The following SLC8A1 variants were observed in gnomAD, a reference collection of about 807,000 sequenced individuals.
The protein encoded by SLC8A1 is solute carrier family 8 member A1, also known as sodium/calcium exchanger 1.
In SLC8A1, 18 loss-of-function variants were observed where a neutral mutation model predicts 68.3. The ratio of observed to expected loss-of-function variants is 0.26; its 90% CI spans 0.18 to 0.39. SLC8A1 has a LOEUF of 0.39. Among genes scored for constraint, SLC8A1 ranks in the 10% least tolerant of loss-of-function variants. SLC8A1 has a pLI of 1.00. For missense variants in SLC8A1, 985 were observed against 1,156.7 expected, an observed-to-expected ratio of 0.85 and a Z score of 2.15; for synonymous variants, 475 against 415.5, an observed-to-expected ratio of 1.14 and a Z score of -1.74.
intron 2 of SLC8A1, among the ~76,000 whole-genome samples, chr2:40,219,789 T>G (rs554300933): frequency 1.3e-5 from 2 of 150,196 alleles, no homozygotes; most frequent in Admixed American, 6.8e-5. Flanking sequence ...CAAAACCTAG[T>G]TGATGAGAGA....
At chr2:40,319,984 C>A (rs1180508746) in intron 2 of SLC8A1, among the ~76,000 whole-genome samples, 1 of 152,068 alleles carries the variant, frequency 6.6e-6, no homozygotes, top group Non-Finnish European at 1.5e-5. Flanking sequence ...GGGATTATGG[C>A]ACCTCCCTTT....
intron 2 of SLC8A1, among the ~76,000 whole-genome samples, chr2:40,289,817 T>G (rs1352730248): frequency 6.6e-6 from 1 of 151,914 alleles, no homozygotes; most frequent in South Asian, 2.1e-4. Flanking sequence ...GCCGAGATCG[T>G]GCCACTGCAT....
chr2:40,351,083 A>T (rs1670931755), intron 2 of SLC8A1, among the ~76,000 whole-genome samples: 1 of 152,190 alleles, frequency 6.6e-6, no homozygotes, highest in African/African-American at 2.4e-5. Flanking sequence ...AATCTCAGGT[A>T]AAGCATTATA....
intron 2 of SLC8A1, among the ~76,000 whole-genome samples, chr2:40,259,094 A>C (rs2064342151): frequency 6.6e-6 from 1 of 152,278 alleles, no homozygotes; most frequent in South Asian, 2.1e-4. Context: ...ACTTTGGAGA[A>C]AGTCCATAGG....
chr2:40,241,206 G>T (rs2061174211), intron 2 of SLC8A1, among the ~76,000 whole-genome samples: 1 of 152,128 alleles, frequency 6.6e-6, no homozygotes, highest in East Asian at 1.9e-4. Flanking sequence ...CAGTGATATG[G>T]ATGCAAGTGG....
intron 2 of SLC8A1, among the ~76,000 whole-genome samples, chr2:40,408,361 G>C (rs1356977391): frequency 6.6e-6 from 1 of 152,130 alleles, no homozygotes; most frequent in African/African-American, 2.4e-5. Flanking sequence ...CTTAGACTGT[G>C]GATATCCTCA....
At chr2:40,271,238 A>C (rs1574957171) in intron 2 of SLC8A1, among the ~76,000 whole-genome samples, 8 of 137,244 alleles carry the variant, frequency 5.8e-5, no homozygotes, top group East Asian at 4.3e-4. Flanking sequence ...GTCCCCTCCC[A>C]CTCCTCTCCC....
chr2:40,426,739 T>G (rs1240586749), intron 2 of SLC8A1, among the ~76,000 whole-genome samples: 1 of 152,040 alleles, frequency 6.6e-6, no homozygotes, highest in Non-Finnish European at 1.5e-5. Flanking sequence ...ATGAGTTCAT[T>G]TAACGACATG....
chr2:40,129,903 A>G (rs1007488807), intron 7 of SLC8A1, among the ~76,000 whole-genome samples: 1 of 152,128 alleles, frequency 6.6e-6, no homozygotes, highest in African/African-American at 2.4e-5. Context: ...GTTGGCTGGT[A>G]TGGGGTTGGG....
chr2:40,419,799 G>A (rs948938717), intron 2 of SLC8A1, among the ~76,000 whole-genome samples: 1 of 152,106 alleles, frequency 6.6e-6, no homozygotes, highest in Non-Finnish European at 1.5e-5. Context: ...ATAATTGTGT[G>A]TATATGTGTG....
At chr2:40,229,015 A>C (rs113756358) in intron 2 of SLC8A1, among the ~76,000 whole-genome samples, 49 of 152,298 alleles carry the variant, frequency 3.2e-4, no homozygotes, top group Admixed American at 1.0e-3. Context: ...GGTTAATTTC[A>C]TAATGGTTTA....
chr2:40,243,031 C>G (rs184439078), intron 2 of SLC8A1, among the ~76,000 whole-genome samples: 18 of 152,170 alleles, frequency 1.2e-4, no homozygotes, highest in Admixed American at 7.9e-4. Context: ...CTTCACCAAA[C>G]GTGGATACGA....
chr2:40,312,424 G>A (rs1407536578), intron 2 of SLC8A1, among the ~76,000 whole-genome samples: 2 of 152,078 alleles, frequency 1.3e-5, no homozygotes, highest in African/African-American at 2.4e-5. Flanking sequence ...AGTGGTCCAG[G>A]AAACTTCATC....
In SLC8A1 at chr2:40,119,780, C is replaced by T. The variant is rs535113512; in HGVS notation, c.2438-4151G>A. 7.2e-5 allele frequency among the ~76,000 whole-genome samples: 11 copies of T among 152,278 alleles called. No homozygotes were observed. In the South Asian group the frequency reaches 1.9e-3, roughly 26 times the overall value. Reference sequence around the variant, plus strand: ...TTTAATAGTTTTTGCTATTAACTCCCACCTTGAATTCTAATTAATTTTAGA... The same window carrying T: ...TTTAATAGTTTTTGCTATTAACTCCTACCTTGAATTCTAATTAATTTTAGA... On this transcript the variant is annotated intron_variant, in intron 7 of 7. Transcript: ENST00000406785.
At chr2:40,379,368 C>A (rs1280865442) in intron 2 of SLC8A1, among the ~76,000 whole-genome samples, 4 of 152,032 alleles carry the variant, frequency 2.6e-5, no homozygotes, top group Non-Finnish European at 5.9e-5. Context: ...GACTTGAATT[C>A]TTTTTTCTTC....
At chr2:40,303,137 T>G (rs1471221089) in intron 2 of SLC8A1, among the ~76,000 whole-genome samples, 5 of 152,196 alleles carry the variant, frequency 3.3e-5, no homozygotes, top group African/African-American at 1.2e-4. Context: ...AAGTGATGAT[T>G]TCCAGAAGTA....
intron 2 of SLC8A1, among the ~76,000 whole-genome samples, chr2:40,196,903 C>G (rs1246190909): frequency 6.6e-6 from 1 of 152,014 alleles, no homozygotes; most frequent in Non-Finnish European, 1.5e-5. Flanking sequence ...CAAGTCTACT[C>G]TCAGTGCATT....
At chr2:40,429,953 C>T (rs1209494904) in exon 2 of SLC8A1, 1 of 1,613,266 alleles carries the variant, frequency 6.2e-7, no homozygotes, top group African/African-American at 1.3e-5. Context: ...ATTTCTTTTT[C>T]TTGAGATGTG....
chr2:40,502,244 C>T (rs1421649331), intron 1 of SLC8A1, among the ~76,000 whole-genome samples: 3 of 152,054 alleles, frequency 2.0e-5, no homozygotes, highest in South Asian at 4.1e-4. Flanking sequence ...TTTAGCTTCC[C>T]TTTCCTCATG....
Sources: allele counts gnomAD v4.1 joint callset (sites outside exome capture counted in the v4.1 genomes callset), GRCh38; gene constraint gnomAD v4.1.1; transcripts MANE v1.5; gene names NCBI Gene and HGNC (gene_info 2026-07-23, HGNC 2026-07-21).